Variants in PCDH15 observed in about 807,000 individuals in gnomAD.
PCDH15 encodes the protein protocadherin-15.
A neutral mutation model predicts 178.5 loss-of-function variants in PCDH15; 129 were observed. The ratio of observed to expected loss-of-function variants is 0.72; its 90% CI spans 0.63 to 0.84. The LOEUF (loss-of-function observed/expected upper bound fraction) is 0.84, where lower values mean the gene tolerates loss of function less well. Among genes scored for constraint, PCDH15 ranks in the 40% least tolerant of loss-of-function variants. The pLI, the probability that PCDH15 is intolerant of heterozygous loss-of-function variation, is 0.00. For synonymous variants in PCDH15, 800 were observed against 732.0 expected (o/e 1.09, Z -1.50); for missense variants, 2,230 against 2,099.9 (o/e 1.06, Z -1.21).
chr10:54,902,372 A>G (rs191274811), intron 2 of PCDH15, among the ~76,000 whole-genome samples: 1 of 152,118 alleles, frequency 6.6e-6, no homozygotes, highest in African/African-American at 2.4e-5. Context: ...TGATTGGATT[A>G]TGGGGTCAGA....
chr10:54,380,658 T>TG (rs1185124140), intron 3 of PCDH15, among the ~76,000 whole-genome samples: 2 of 90,864 alleles, frequency 2.2e-5, no homozygotes, highest in Non-Finnish European at 4.3e-5. Flanking sequence ...TATATATATA[T>TG]ATATATATAT....
chr10:54,121,726 A>C (rs188654647), intron 15 of PCDH15, among the ~76,000 whole-genome samples: 3 of 152,278 alleles, frequency 2.0e-5, no homozygotes, highest in East Asian at 3.9e-4. Context: ...ATTCCTGGAA[A>C]CACACAACCT....
intron 14 of PCDH15, among the ~76,000 whole-genome samples, chr10:54,145,667 G>A (rs1450065896): frequency 6.6e-6 from 1 of 151,982 alleles, no homozygotes; most frequent in African/African-American, 2.4e-5. Context: ...AAACTCACAT[G>A]TCAATTTACA....
rs964255038 is a variant in PCDH15 at position 54,555,398 on chromosome 10, A to C, written c.92-27521T>G. On this transcript the variant is annotated intron_variant, in intron 2 of 37. Coordinates refer to ENST00000644397, the MANE Select transcript of PCDH15 (RefSeq NM_001384140.1). ...CCTATGTAAACAGAATTGCTAATTT[A>C]AGTGCTCTCTTGATGGGCTTTCTCT... Among the ~76,000 whole-genome samples the C allele has an allele frequency of 2.0e-5, 3 of 152,030 alleles. No homozygotes were observed. In the East Asian group the frequency reaches 5.8e-4, roughly 29 times the overall value.
intron 2 of PCDH15, among the ~76,000 whole-genome samples, chr10:55,383,833 C>T (rs2132004606): frequency 6.6e-6 from 1 of 152,194 alleles, no homozygotes; most frequent in Non-Finnish European, 1.5e-5. Context: ...GAAAATTTTC[C>T]TCTTATATCT....
At chr10:55,295,825 T>C (rs1234105510) in intron 1 of PCDH15, among the ~76,000 whole-genome samples, 3 of 152,088 alleles carry the variant, frequency 2.0e-5, no homozygotes, top group African/African-American at 7.2e-5. Context: ...TGTCTGACAC[T>C]AATTACCTAG....
chr10:55,424,452 T>C (rs1838702051), intron 2 of PCDH15, among the ~76,000 whole-genome samples: 1 of 152,272 alleles, frequency 6.6e-6, no homozygotes, highest in South Asian at 2.1e-4. Context: ...GTCTCACATA[T>C]TGCAAATATT....
intron 1 of PCDH15, among the ~76,000 whole-genome samples, chr10:54,752,476 C>CAAAAAAAAA (rs755874514): frequency 1.7e-4 from 15 of 89,770 alleles, no homozygotes; most frequent in South Asian, 3.3e-4. Context: ...GACTCCGTCT[C>CAAAAAAAAA]AAAAAAAAAA....
intron 2 of PCDH15, among the ~76,000 whole-genome samples, chr10:54,552,358 A>G (rs1446898939): frequency 6.6e-6 from 1 of 152,148 alleles, no homozygotes; most frequent in Non-Finnish European, 1.5e-5. Context: ...CCTATATCCT[A>G]CTGTGATACT....
chr10:55,376,994 G>A lies in PCDH15; in HGVS notation c.-155-210343C>T, dbSNP rs561806742. Among the ~76,000 whole-genome samples the A allele has an allele frequency of 2.6e-5, 4 of 151,964 alleles. No homozygotes were observed. The South Asian group carries it at 8.3e-4, about 32-fold the overall frequency. On this transcript the variant is annotated intron_variant, in intron 2 of 5. Coordinates refer to the PCDH15 transcript ENST00000613346. ...CTAGCTATTAAGTCATATTTTAAAA[G>A]GAACACATTTTCTCAATGATAGGCA... is the stretch of plus-strand genomic sequence containing the variant.
At chr10:54,012,705 G>T (rs998299972) in intron 20 of PCDH15, among the ~76,000 whole-genome samples, 1 of 151,960 alleles carries the variant, frequency 6.6e-6, no homozygotes, top group Non-Finnish European at 1.5e-5. Context: ...GAGCTTCATA[G>T]GCAAAAAAGA....
chr10:53,920,151 C>T (rs909974834), intron 25 of PCDH15, among the ~76,000 whole-genome samples: 1 of 152,022 alleles, frequency 6.6e-6, no homozygotes, highest in Non-Finnish European at 1.5e-5. Context: ...TTTCATCTTG[C>T]ACAAGGCGGT....
In PCDH15 at chr10:54,235,541, T is replaced by A. The variant is rs533281781; in HGVS notation, c.985+1282A>T. Among the ~76,000 whole-genome samples, 11 of 152,308 alleles carry A rather than the reference T, an allele frequency of 7.2e-5. No homozygotes were observed. The East Asian group carries it at 2.1e-3, about 29-fold the overall frequency. ...CTTTTTCCACCTGGAAACTCCTGTC[T>A]TTCTGCTAAAATGACACTTCCTAAG... On this transcript the variant is annotated intron_variant, in intron 9 of 37. Transcript: ENST00000644397.
intron 2 of PCDH15, among the ~76,000 whole-genome samples, chr10:55,049,883 A>G (rs1591859288): frequency 2.6e-5 from 4 of 152,192 alleles, no homozygotes; most frequent in African/African-American, 9.6e-5. Flanking sequence ...GCAATTTTGC[A>G]AAATTCAGGT....
At chr10:54,352,532 G>A (rs752821701) in intron 5 of PCDH15, among the ~76,000 whole-genome samples, 1 of 152,094 alleles carries the variant, frequency 6.6e-6, no homozygotes, top group Non-Finnish European at 1.5e-5. Context: ...TTTTAGATAA[G>A]CTGAAACAGA....
intron 1 of PCDH15, among the ~76,000 whole-genome samples, chr10:54,789,233 G>A (rs1249865659): frequency 2.0e-5 from 3 of 151,878 alleles, no homozygotes; most frequent in African/African-American, 7.2e-5. Context: ...GACATACTAT[G>A]TGTGAATGTT....
intron 2 of PCDH15, among the ~76,000 whole-genome samples, chr10:55,450,134 T>C (rs774657986): frequency 1.4e-4 from 21 of 152,140 alleles, no homozygotes; most frequent in Non-Finnish European, 2.9e-4. Flanking sequence ...ATAATGTAGG[T>C]AATGACTTCT....
chr10:53,881,944 TTGAGA>T (rs1488954822), intron 26 of PCDH15, among the ~76,000 whole-genome samples: 2 of 152,094 alleles, frequency 1.3e-5, no homozygotes, highest in Admixed American at 1.3e-4. Flanking sequence ...CAATTCCATT[TTGAGA>T]TAATTTGGTA....
rs577719042 is a variant in PCDH15, at chr10:55,209,968, T to C, written c.-155-43317A>G. On this transcript the variant is annotated intron_variant, in intron 1 of 5. Transcript: ENST00000458638. Reference sequence around the variant, plus strand: ...ATTCTAGAACTAAGCCTTGAAGAAATTCAAGTTTAATATGATAGAAGAATG... The same window carrying C: ...ATTCTAGAACTAAGCCTTGAAGAAACTCAAGTTTAATATGATAGAAGAATG... 1.1e-3 allele frequency among the ~76,000 whole-genome samples: 164 copies of C among 152,016 alleles called. 2 individuals are homozygous for C. The highest frequency in any genetic ancestry group is 2.5e-3 in the Admixed American group (38 of 15,270).
Sources: allele counts gnomAD v4.1 joint callset (sites outside exome capture counted in the v4.1 genomes callset), GRCh38; gene constraint gnomAD v4.1.1; transcripts MANE v1.5; gene names NCBI Gene and HGNC (gene_info 2026-07-23, HGNC 2026-07-21).